TTC28: variants seen among roughly 807,000 people sequenced by gnomAD.
TTC28 encodes tetratricopeptide repeat domain 28.
In TTC28, 61 loss-of-function variants were observed where a neutral mutation model predicts 198.0. The observed-to-expected ratio is 0.31, with a 90% confidence interval of 0.25 to 0.38. The LOEUF is 0.38. Ranked by LOEUF, TTC28 falls within the 10% of genes least tolerant of loss-of-function variation. TTC28 has a pLI of 1.00. For missense variants in TTC28, 2,678 were observed against 3,164.0 expected (o/e 0.85, Z 3.69); for synonymous variants, 1,171 against 1,297.8 (o/e 0.90, Z 2.10).
intron 2 of TTC28, among the ~76,000 whole-genome samples, chr22:28,566,499 A>G (rs1237641808): frequency 6.6e-6 from 1 of 152,354 alleles, no homozygotes; most frequent in East Asian, 1.9e-4. Flanking sequence ...GTGAAAGATT[A>G]GAGCCACTAC....
chr22:28,065,333 A>G (rs1479865339), intron 12 of TTC28, among the ~76,000 whole-genome samples: 1 of 152,226 alleles, frequency 6.6e-6, no homozygotes, highest in African/African-American at 2.4e-5. Flanking sequence ...CACAGTCTAC[A>G]TACTTAGTCC....
chr22:28,274,121 G>A (rs1932261173), intron 5 of TTC28, among the ~76,000 whole-genome samples: 1 of 152,166 alleles, frequency 6.6e-6, no homozygotes, highest in South Asian at 2.1e-4. Context: ...GCTGTTGTAA[G>A]TCAGAATAAT....
At chr22:28,482,500 G>A (rs1328662650) in intron 2 of TTC28, among the ~76,000 whole-genome samples, 7 of 151,964 alleles carry the variant, frequency 4.6e-5, no homozygotes, top group South Asian at 2.1e-4. Context: ...GAGCCACCGC[G>A]CCCGGCCAGT....
At chr22:28,112,171 G>C (rs1486236403) in intron 6 of TTC28, among the ~76,000 whole-genome samples, 1 of 152,084 alleles carries the variant, frequency 6.6e-6, no homozygotes, top group East Asian at 1.9e-4. Flanking sequence ...GACATAGCTT[G>C]AGAAACATAA....
At chr22:28,015,087 T>G (rs971710279) in intron 13 of TTC28, among the ~76,000 whole-genome samples, 2 of 152,246 alleles carry the variant, frequency 1.3e-5, no homozygotes, top group African/African-American at 4.8e-5. Context: ...ACTTCCAACA[T>G]GGGATGAGAG....
chr22:28,479,861 C>A (rs982604656), intron 2 of TTC28, among the ~76,000 whole-genome samples: 4 of 152,096 alleles, frequency 2.6e-5, no homozygotes. Flanking sequence ...TATTCCAATC[C>A]TTGTCATATC....
At position 28,343,183 on chromosome 22, in the gene TTC28, A is replaced by G. The variant is rs996053146; in HGVS notation, c.382-36540T>C. The stretch of plus-strand genomic sequence containing the variant: ...TTAAAAATAGAATAAAATAAAACAC[A>G]ACGGAGATTAGACAGAAAAAAATAG... On this transcript the variant is annotated intron_variant, in intron 2 of 22. Transcript: ENST00000397906. Among the ~76,000 whole-genome samples, 4 of 152,178 alleles carry G rather than the reference A, an allele frequency of 2.6e-5. No homozygotes were observed. In the East Asian group the frequency reaches 5.8e-4, roughly 22 times the overall value.
chr22:28,452,425 G>A (rs1047500538), intron 2 of TTC28, among the ~76,000 whole-genome samples: 12 of 138,352 alleles, frequency 8.7e-5, no homozygotes, highest in African/African-American at 2.4e-4. Flanking sequence ...AAAAGAGGCT[G>A]TATTTCTCTG....
intron 2 of TTC28, among the ~76,000 whole-genome samples, chr22:28,554,704 C>T (rs1601560032): frequency 1.3e-5 from 2 of 152,150 alleles, no homozygotes; most frequent in East Asian, 3.9e-4. Context: ...AACCCCATCT[C>T]TACTAAAAAT....
At chr22:28,575,218 G>A (rs1005468162) in intron 2 of TTC28, among the ~76,000 whole-genome samples, 2 of 152,138 alleles carry the variant, frequency 1.3e-5, no homozygotes, top group Admixed American at 6.5e-5. Context: ...AGAGATAAGG[G>A]TCTAGTTTCA....
At chr22:28,219,523 A>G (rs1927686675) in intron 5 of TTC28, among the ~76,000 whole-genome samples, 1 of 152,090 alleles carries the variant, frequency 6.6e-6, no homozygotes, top group South Asian at 2.1e-4. Flanking sequence ...AAAAGAAAAA[A>G]AAAACAGCCA....
In TTC28 at chr22:28,014,294, G is replaced by A. The variant is rs763076899; in HGVS notation, c.4172C>T (p.Pro1391Leu). 1.4e-4 allele frequency: 213 copies of A among 1,551,548 alleles called. No individual in the cohort carries two copies. The highest frequency in any genetic ancestry group is 8.8e-4 in the Admixed American group (45 of 50,982). ...CAGGTCATACAGGGCACGGAGCGGG[G>A]GCTTGGCAAACGAGCTCTGCCTCCT... ...LPRRQSSFAK[P>L]PLRALYDLLI... The change falls in exon 14 of 23, where the codon CCC becomes CTC. Residue 1391 changes from proline to leucine, a missense_variant. Around this residue, in one of 8 missense-constraint regions of TTC28, gnomAD observed 727 missense variants for 861.9 expected, o/e 0.84. Transcript: ENST00000397906.
intron 5 of TTC28, among the ~76,000 whole-genome samples, chr22:28,168,787 A>G (rs1250483256): frequency 6.6e-6 from 1 of 152,262 alleles, no homozygotes; most frequent in African/African-American, 2.4e-5. Context: ...CTAAAACACC[A>G]AAAGCAATGG....
At chr22:28,543,610 A>G (rs1478004457) in intron 2 of TTC28, among the ~76,000 whole-genome samples, 1 of 152,162 alleles carries the variant, frequency 6.6e-6, no homozygotes, top group Non-Finnish European at 1.5e-5. Context: ...TTGAATTCAT[A>G]ATCAATTTTC....
chr22:28,390,829 T>A (rs1478494114), intron 2 of TTC28, among the ~76,000 whole-genome samples: 1 of 152,226 alleles, frequency 6.6e-6, no homozygotes, highest in Non-Finnish European at 1.5e-5. Context: ...AATTGGAGCA[T>A]TTAGTCCATT....
chr22:28,672,645 G>A (rs1365403900), intron 1 of TTC28, among the ~76,000 whole-genome samples: 1 of 152,170 alleles, frequency 6.6e-6, no homozygotes, highest in Non-Finnish European at 1.5e-5. Flanking sequence ...TTGCTGTTGA[G>A]AAAGAGAAAG....
chr22:28,373,624 A>G (rs1360108233), intron 2 of TTC28, among the ~76,000 whole-genome samples: 2 of 152,208 alleles, frequency 1.3e-5, no homozygotes, highest in African/African-American at 4.8e-5. Context: ...AAGCTTGTTT[A>G]GTAGGTAATT....
chr22:28,108,976 A>C (rs955156599), intron 6 of TTC28, among the ~76,000 whole-genome samples: 15 of 152,226 alleles, frequency 9.9e-5, no homozygotes, highest in African/African-American at 3.4e-4. Context: ...GATTGTCCTA[A>C]AATTGGTAAA....
At chr22:28,270,492 T>G (rs1195470180) in intron 5 of TTC28, among the ~76,000 whole-genome samples, 1 of 152,062 alleles carries the variant, frequency 6.6e-6, no homozygotes, top group Non-Finnish European at 1.5e-5. Flanking sequence ...CTAGACTTCT[T>G]TTTCAGATTG....
Sources: gnomAD v4.1 joint callset for allele counts (sites outside exome capture counted in the v4.1 genomes callset) on GRCh38, gnomAD v4.1.1 for gene constraint, gnomAD v4.1.1 regional missense constraint, MANE v1.5 for transcripts, NCBI Gene and HGNC (gene_info 2026-07-23, HGNC 2026-07-21) for gene names.